Variants in DPP10 observed in about 807,000 individuals in gnomAD.
DPP10 encodes inactive dipeptidyl peptidase 10.
A neutral mutation model predicts 120.9 loss-of-function variants in DPP10; 33 were observed. That is an observed-to-expected ratio of 0.27 (90% confidence interval 0.21 to 0.37). The LOEUF is 0.37. Among genes scored for constraint, DPP10 ranks in the 10% least tolerant of loss-of-function variants. DPP10 has a pLI of 1.00. For synonymous variants in DPP10, 337 were observed against 326.1 expected (o/e 1.03, Z -0.36); for missense variants, 816 against 942.8 (o/e 0.87, Z 1.76).
intron 3 of DPP10, among the ~76,000 whole-genome samples, chr2:115,434,161 AAAACT>A (rs918509618): frequency 5.3e-5 from 8 of 151,898 alleles, no homozygotes; most frequent in Admixed American, 2.6e-4. Flanking sequence ...CAAATCAACA[AAAACT>A]AAATTAAATA....
chr2:114,666,659 A>G (rs1697947031), intron 1 of DPP10, among the ~76,000 whole-genome samples: 1 of 152,214 alleles, frequency 6.6e-6, no homozygotes, highest in Non-Finnish European at 1.5e-5. Flanking sequence ...AGATAGGGCA[A>G]GAGGTTGAGG....
At chr2:115,671,014 C>T (rs1250128705) in intron 5 of DPP10, among the ~76,000 whole-genome samples, 2 of 151,898 alleles carry the variant, frequency 1.3e-5, no homozygotes, top group Non-Finnish European at 2.9e-5. Context: ...TTATACAAAC[C>T]TCAGTTGATT....
chr2:114,972,325 T>G (rs1040652564), intron 1 of DPP10, among the ~76,000 whole-genome samples: 1 of 152,208 alleles, frequency 6.6e-6, no homozygotes, highest in African/African-American at 2.4e-5. Flanking sequence ...TTTTGCAAAC[T>G]GATGGAGATT....
intron 3 of DPP10, among the ~76,000 whole-genome samples, chr2:115,493,489 T>C (rs2076230955): frequency 6.8e-6 from 1 of 147,800 alleles, no homozygotes; most frequent in African/African-American, 2.5e-5. Context: ...AAGGTGTGAG[T>C]AGTAAAATAG....
At chr2:115,434,536 AT>A (rs1262615348) in intron 3 of DPP10, among the ~76,000 whole-genome samples, 2 of 152,012 alleles carry the variant, frequency 1.3e-5, no homozygotes, top group East Asian at 1.9e-4. Context: ...TTTAAAAAAA[AT>A]AATTTTCATT....
chr2:115,363,287 C>A lies in DPP10; in HGVS notation c.271+19375C>A, dbSNP rs560534677. Among the ~76,000 whole-genome samples, 37 of 152,282 alleles carry A rather than the reference C, an allele frequency of 2.4e-4. 1 individual carries two copies. The South Asian group carries it at 7.7e-3, about 32-fold the overall frequency. ...TAAAATAGTTTGTTTGCACATTGTA[C>A]TCCTTAGCTTTTAATTTCTCCAAGA... On this transcript the variant is annotated intron_variant, in intron 3 of 25. Coordinates refer to ENST00000410059, the MANE Select transcript of DPP10 (RefSeq NM_020868.6).
chr2:114,627,953 G>A (rs929365063), intron 1 of DPP10, among the ~76,000 whole-genome samples: 4 of 152,086 alleles, frequency 2.6e-5, no homozygotes, highest in African/African-American at 9.7e-5. Flanking sequence ...GTGAAATGGG[G>A]TACTTTCAGC....
At chr2:114,912,791 C>A (rs1004180472) in intron 1 of DPP10, among the ~76,000 whole-genome samples, 3 of 152,192 alleles carry the variant, frequency 2.0e-5, no homozygotes, top group Non-Finnish European at 4.4e-5. Context: ...TTAGCTGCAG[C>A]AGACTACATG....
chr2:115,407,434 G>A (rs570638259), intron 3 of DPP10, among the ~76,000 whole-genome samples: 47 of 152,270 alleles, frequency 3.1e-4, no homozygotes, highest in Non-Finnish European at 4.4e-5. Flanking sequence ...GGGCTGCTTT[G>A]GGGAAATGGC....
intron 2 of DPP10, among the ~76,000 whole-genome samples, chr2:115,320,382 T>G (rs2062000518): frequency 6.6e-6 from 1 of 152,108 alleles, no homozygotes; most frequent in African/African-American, 2.4e-5. Context: ...ATTGTTCCAT[T>G]TGTTTTCTGT....
chr2:114,559,225 G>T (rs1009882179), intron 1 of DPP10, among the ~76,000 whole-genome samples: 3 of 152,164 alleles, frequency 2.0e-5, no homozygotes, highest in Non-Finnish European at 2.9e-5. Flanking sequence ...GAAATGGGGG[G>T]ATTATCCTGG....
chr2:115,213,951 A>T (rs2056666071), intron 1 of DPP10, among the ~76,000 whole-genome samples: 2 of 151,214 alleles, frequency 1.3e-5, no homozygotes, highest in African/African-American at 4.8e-5. Flanking sequence ...GGATTTATGG[A>T]TAGAAAAAAT....
intron 1 of DPP10, among the ~76,000 whole-genome samples, chr2:114,660,621 C>T (rs1261931797): frequency 6.6e-6 from 1 of 152,222 alleles, no homozygotes; most frequent in African/African-American, 2.4e-5. Flanking sequence ...GCTGAGGAAA[C>T]TCTCCAGACG....
intron 2 of DPP10, among the ~76,000 whole-genome samples, chr2:115,328,928 T>G (rs776514425): frequency 6.6e-6 from 1 of 152,088 alleles, no homozygotes; most frequent in Admixed American, 6.6e-5. Context: ...CTTCTAACTC[T>G]GATCACTGTT....
At chr2:115,766,259 C>T (rs1391001909) in intron 12 of DPP10, among the ~76,000 whole-genome samples, 2 of 140,740 alleles carry the variant, frequency 1.4e-5, no homozygotes, top group Middle Eastern at 8.1e-3. Flanking sequence ...TGTATGGATA[C>T]AATGAACAAA....
At chr2:114,668,217 G>T (rs764524893) in intron 1 of DPP10, among the ~76,000 whole-genome samples, 1 of 152,142 alleles carries the variant, frequency 6.6e-6, no homozygotes, top group Non-Finnish European at 1.5e-5. Context: ...TTCAGCCTGA[G>T]CCTGAAGCTC....
chr2:114,649,509 C>T (rs537618896), intron 1 of DPP10, among the ~76,000 whole-genome samples: 1 of 152,002 alleles, frequency 6.6e-6, no homozygotes, highest in East Asian at 1.9e-4. Flanking sequence ...CCACCATGCC[C>T]GGCTAATTTT....
chr2:115,444,526 TTC>T (rs2072387138), intron 3 of DPP10, among the ~76,000 whole-genome samples: 1 of 152,200 alleles, frequency 6.6e-6, no homozygotes, highest in African/African-American at 2.4e-5. Context: ...TGCTGAGTCT[TTC>T]TCTGTAGTTA....
intron 5 of DPP10, among the ~76,000 whole-genome samples, chr2:115,589,552 A>G (rs2082498858): frequency 6.6e-6 from 1 of 152,102 alleles, no homozygotes; most frequent in South Asian, 2.1e-4. Flanking sequence ...TGAACAATTT[A>G]AATCTGGAAG....
Sources: allele counts gnomAD v4.1 joint callset (sites outside exome capture counted in the v4.1 genomes callset), GRCh38; gene constraint gnomAD v4.1.1; transcripts MANE v1.5; gene names NCBI Gene and HGNC (gene_info 2026-07-23, HGNC 2026-07-21).